SEMA6D: variants seen among roughly 807,000 people sequenced by gnomAD.
SEMA6D encodes semaphorin-6D.
Under a neutral mutation model 106.6 loss-of-function variants are expected in SEMA6D, and 35 were observed. The observed-to-expected ratio is 0.33, with a 90% CI of 0.25 to 0.44. The LOEUF (loss-of-function observed/expected upper bound fraction) is 0.44, where lower values mean the gene tolerates loss of function less well. Ranked by LOEUF, SEMA6D falls within the 20% of genes least tolerant of loss-of-function variation. The pLI, the probability that SEMA6D is intolerant of heterozygous loss-of-function variation, is 1.00. For synonymous variants in SEMA6D, 499 were observed against 487.7 expected (o/e 1.02, Z -0.31); for missense variants, 1,185 against 1,345.9 (o/e 0.88, Z 1.87).
chr15:47,480,599 A>G (rs1206641294), intron 3 of SEMA6D, among the ~76,000 whole-genome samples: 1 of 151,970 alleles, frequency 6.6e-6, no homozygotes, highest in Non-Finnish European at 1.5e-5. Context: ...TTATTTCAAG[A>G]TCTACCTCAC....
chr15:47,586,521 A>T (rs979383522), intron 3 of SEMA6D, among the ~76,000 whole-genome samples: 1 of 152,200 alleles, frequency 6.6e-6, no homozygotes, highest in African/African-American at 2.4e-5. Flanking sequence ...GGAAGACCAA[A>T]TATGGTCCTC....
rs988317896 is a variant in SEMA6D at position 47,225,689 on chromosome 15, C to T, written c.-239+41271C>T. ...GATTATAGGCCTCCGCCACCAAGCCCGGCTAATTTTGTATTTTTTTAGTAG... is the reference window on the plus strand; with the variant it reads ...GATTATAGGCCTCCGCCACCAAGCCTGGCTAATTTTGTATTTTTTTAGTAG... On this transcript the variant is annotated intron_variant, in intron 1 of 19. Transcript: ENST00000558014. Among the ~76,000 whole-genome samples, 29 of 151,552 alleles carry T rather than the reference C, an allele frequency of 1.9e-4. 1 individual carries two copies. Among genetic ancestry groups the T allele is most frequent in the South Asian group, 4.2e-4 (2 of 4,810 alleles).
Position 47,463,428 on chromosome 15 carries a change from A to G in SEMA6D, c.-158-7046A>G, listed in dbSNP as rs281322. Among the ~76,000 whole-genome samples the G allele has an allele frequency of 1.7e-3, 261 of 152,280 alleles. 2 individuals are homozygous for G. The highest frequency in any genetic ancestry group is 5.8e-3 in the African/African-American group (243 of 41,584). On this transcript the variant is annotated intron_variant, in intron 2 of 19. Coordinates refer to the SEMA6D transcript ENST00000558014. ...CCTGACTGCATATATGTCTCCTTTA[A>G]ATCTTAACACATGCAGTACATTTGC...
At position 47,771,850 on chromosome 15, in the gene SEMA6D, AG is replaced by A; in HGVS notation, c.*68del. On this transcript the variant is annotated 3_prime_UTR_variant, in exon 19 of 19. Transcript: ENST00000536845. ...GTGTTGTTGAGAGGATGATGTTGTA[AG>A]GGTACCTTAAAACAAGAGACTCGCT... The A allele has an allele frequency of 1.4e-6, 2 of 1,463,052 alleles. No homozygotes were observed. The highest frequency in any genetic ancestry group is 1.4e-5 in the African/African-American group (1 of 71,096). The allele number at this position is 1,463,052 out of a possible 1,614,324, so 90.6% of individuals were successfully genotyped here. A position where few individuals can be genotyped will look rare whatever the true frequency, so the allele number is the denominator to read the frequency against.
chr15:47,521,125 TGAG>T (rs892787525), intron 3 of SEMA6D, among the ~76,000 whole-genome samples: 7 of 152,288 alleles, frequency 4.6e-5, no homozygotes, highest in African/African-American at 1.7e-4. Flanking sequence ...AGCTCCATCT[TGAG>T]GAGACGTGGG....
chr15:47,199,113 G>T (rs1894548269), intron 1 of SEMA6D, among the ~76,000 whole-genome samples: 1 of 152,156 alleles, frequency 6.6e-6, no homozygotes, highest in African/African-American at 2.4e-5. Flanking sequence ...AAGTCCACTT[G>T]TTTGTTTGTT....
At chr15:47,342,616 T>G (rs573842886) in intron 1 of SEMA6D, among the ~76,000 whole-genome samples, 8 of 152,340 alleles carry the variant, frequency 5.3e-5, no homozygotes, top group African/African-American at 1.9e-4. Context: ...AAATCTAAAA[T>G]TATTATGAGC....
At chr15:47,642,978 T>C (rs1335457898) in intron 4 of SEMA6D, among the ~76,000 whole-genome samples, 5 of 151,188 alleles carry the variant, frequency 3.3e-5, no homozygotes, top group African/African-American at 1.2e-4. Flanking sequence ...GAGATAGATA[T>C]ACAGACAGAG....
intron 3 of SEMA6D, among the ~76,000 whole-genome samples, chr15:47,576,050 A>G (rs373738604): frequency 1.3e-5 from 2 of 152,338 alleles, no homozygotes; most frequent in South Asian, 2.1e-4. Context: ...ACGACTCACA[A>G]TGATATTCCT....
At chr15:47,700,769 G>C (rs2078793949) in intron 4 of SEMA6D, among the ~76,000 whole-genome samples, 1 of 152,116 alleles carries the variant, frequency 6.6e-6, no homozygotes, top group African/African-American at 2.4e-5. Context: ...ATTTTTTAAA[G>C]TATAGTATTG....
At chr15:47,723,919 G>A (rs575371912) in intron 1 of SEMA6D, among the ~76,000 whole-genome samples, 9 of 152,252 alleles carry the variant, frequency 5.9e-5, no homozygotes, top group East Asian at 3.9e-4. Context: ...TAAAAATAAC[G>A]TCAGGAGTTT....
chr15:47,715,487 G>A (rs1367603943), upstream of SEMA6D, among the ~76,000 whole-genome samples: 1 of 152,112 alleles, frequency 6.6e-6, no homozygotes, highest in Non-Finnish European at 1.5e-5. Context: ...TTGACCAAAA[G>A]GTAAAGGATA....
intron 1 of SEMA6D, among the ~76,000 whole-genome samples, chr15:47,264,460 C>T (rs555875083): frequency 1.1e-4 from 16 of 151,920 alleles, no homozygotes; most frequent in Admixed American, 5.3e-4. Context: ...TTAATCATTG[C>T]AGAAGTGACA....
At chr15:47,672,670 C>A (rs1250503147) in intron 4 of SEMA6D, among the ~76,000 whole-genome samples, 1 of 152,056 alleles carries the variant, frequency 6.6e-6, no homozygotes, top group Non-Finnish European at 1.5e-5. Flanking sequence ...ACTAGGCTTT[C>A]TTTTCCTAAT....
At chr15:47,691,942 C>T (rs559337385) in intron 4 of SEMA6D, among the ~76,000 whole-genome samples, 1 of 151,730 alleles carries the variant, frequency 6.6e-6, no homozygotes, top group East Asian at 1.9e-4. Context: ...TAGAAGAAAA[C>T]TTCATTCAAG....
At chr15:47,227,928 A>ATAAGAATCTTATATATATTTTATATATG (rs1566938409) in intron 1 of SEMA6D, among the ~76,000 whole-genome samples, 4 of 136,276 alleles carry the variant, frequency 2.9e-5, no homozygotes, top group African/African-American at 8.1e-5. Flanking sequence ...TTTTATATAT[A>ATAAGAATCTTATATATATTTTATATATG]TAAGAATCTT....
intron 1 of SEMA6D, among the ~76,000 whole-genome samples, chr15:47,738,227 A>G (rs529019160): frequency 3.9e-5 from 6 of 151,990 alleles, no homozygotes; most frequent in African/African-American, 1.2e-4. Context: ...TTCAACTCCC[A>G]CTAATGAGTG....
chr15:47,341,188 G>A (rs2037798219), intron 1 of SEMA6D, among the ~76,000 whole-genome samples: 1 of 151,988 alleles, frequency 6.6e-6, no homozygotes, highest in South Asian at 2.1e-4. Flanking sequence ...TCAGGAGTTT[G>A]AGACCAGCCT....
chr15:47,434,228 C>T (rs922720230), intron 2 of SEMA6D, among the ~76,000 whole-genome samples: 1 of 152,042 alleles, frequency 6.6e-6, no homozygotes, highest in Non-Finnish European at 1.5e-5. Context: ...AACAAGGTAA[C>T]TGTGTGGTTC....
Sources: allele counts gnomAD v4.1 joint callset (sites outside exome capture counted in the v4.1 genomes callset), GRCh38; gene constraint gnomAD v4.1.1; transcripts MANE v1.5; gene names NCBI Gene and HGNC (gene_info 2026-07-23, HGNC 2026-07-21).